PSD3: variants seen among roughly 807,000 people sequenced by gnomAD.
The protein encoded by PSD3 is PH and SEC7 domain-containing protein 3.
PSD3 carries 49 observed loss-of-function variants against 105.5 expected under a neutral mutation model. That is an observed-to-expected ratio of 0.46 (90% confidence interval 0.37 to 0.59). The LOEUF (loss-of-function observed/expected upper bound fraction) is 0.59, where lower values mean the gene tolerates loss of function less well. Among genes scored for constraint, PSD3 ranks in the 20% least tolerant of loss-of-function variants. The probability of loss-of-function intolerance (pLI) is 0.00; values close to 1 mark genes in which losing one functional copy is unlikely to be tolerated. For missense variants in PSD3, 1,561 were observed against 1,263.8 expected (o/e 1.24, Z -3.57); for synonymous variants, 557 against 457.8 (o/e 1.22, Z -2.77).
At chr8:19,057,634 C>A (rs1828753881) in intron 1 of PSD3, among the ~76,000 whole-genome samples, 1 of 152,146 alleles carries the variant, frequency 6.6e-6, no homozygotes, top group Non-Finnish European at 1.5e-5. Flanking sequence ...TAAACATTTG[C>A]TTCATCTAGC....
intron 4 of PSD3, among the ~76,000 whole-genome samples, chr8:18,834,063 T>G (rs1813897365): frequency 6.6e-6 from 1 of 152,196 alleles, no homozygotes; most frequent in African/African-American, 2.4e-5. Context: ...GAATTACAGT[T>G]AAATAAACAC....
chr8:18,809,052 G>A (rs374125536), intron 4 of PSD3, among the ~76,000 whole-genome samples: 5 of 152,068 alleles, frequency 3.3e-5, no homozygotes, highest in African/African-American at 9.7e-5. Flanking sequence ...GCCCAGCCTC[G>A]TTCACACTTG....
At chr8:18,620,332 T>C (rs1176564768) in intron 11 of PSD3, among the ~76,000 whole-genome samples, 3 of 141,284 alleles carry the variant, frequency 2.1e-5, no homozygotes, top group Admixed American at 7.2e-5. Flanking sequence ...TGAAGGGTTC[T>C]TGGGTTTGTG....
chr8:18,750,142 C>T (rs1008216186), intron 9 of PSD3, among the ~76,000 whole-genome samples: 1 of 152,118 alleles, frequency 6.6e-6, no homozygotes, highest in Non-Finnish European at 1.5e-5. Flanking sequence ...ATATTATATC[C>T]TATTTAATAG....
intron 8 of PSD3, among the ~76,000 whole-genome samples, chr8:18,780,056 C>A (rs529898204): frequency 4.9e-4 from 74 of 152,296 alleles, no homozygotes; most frequent in Non-Finnish European, 9.3e-4. Context: ...TGGACTCAGT[C>A]TCTCCCTTTA....
chr8:19,068,761 TA>T (rs60747980), intron 1 of PSD3, among the ~76,000 whole-genome samples: 66,599 of 145,836 alleles, frequency 0.46, 15,094 homozygotes, highest in East Asian at 0.79. Flanking sequence ...AAAGTTTAAT[TA>T]AAAAAAAAAA....
At chr8:18,844,790 A>C (rs1814946392) in intron 4 of PSD3, among the ~76,000 whole-genome samples, 1 of 152,256 alleles carries the variant, frequency 6.6e-6, no homozygotes, top group Non-Finnish European at 1.5e-5. Context: ...GGAAGATTTT[A>C]ACCAAGAGAA....
intron 2 of PSD3, among the ~76,000 whole-genome samples, chr8:18,893,601 G>C (rs1230545208): frequency 6.6e-6 from 1 of 152,164 alleles, no homozygotes; most frequent in African/African-American, 2.4e-5. Flanking sequence ...GGATGAATGA[G>C]GGTATCGGTG....
rs542426749 is a variant in PSD3 at position 18,940,695 on chromosome 8, G to A, written c.22-4553C>T. Among the ~76,000 whole-genome samples the A allele has an allele frequency of 2.6e-5, 4 of 152,060 alleles. No homozygotes were observed. In the South Asian group the frequency reaches 8.3e-4, roughly 31 times the overall value. Reference sequence around the variant, plus strand: ...ATTTCCAATTTATCTACTGTTTCTTGAGTAATGGCACATACTTACAGTAAA... The same window carrying A: ...ATTTCCAATTTATCTACTGTTTCTTAAGTAATGGCACATACTTACAGTAAA... On this transcript the variant is annotated intron_variant, in intron 1 of 15. Transcript: ENST00000327040.
intron 4 of PSD3, among the ~76,000 whole-genome samples, chr8:18,818,016 C>T (rs913545389): frequency 4.6e-5 from 7 of 152,140 alleles, no homozygotes; most frequent in South Asian, 2.1e-4. Context: ...TGCAGTGGCG[C>T]GATCTCGGCT....
intron 9 of PSD3, among the ~76,000 whole-genome samples, chr8:18,713,055 A>G (rs943469897): frequency 6.6e-6 from 1 of 152,162 alleles, no homozygotes; most frequent in Admixed American, 6.6e-5. Context: ...CTCGATAGAT[A>G]CCAAAAAGAC....
intron 10 of PSD3, among the ~76,000 whole-genome samples, chr8:18,635,961 T>C (rs1488524452): frequency 2.0e-5 from 3 of 152,080 alleles, no homozygotes; most frequent in Non-Finnish European, 2.9e-5. Flanking sequence ...AAAACCTAGA[T>C]AATGGTTTGA....
rs900245380 is a variant in PSD3, at chr8:18,978,689, C to T, written c.21+34874G>A. On this transcript the variant is annotated intron_variant, in intron 1 of 15. Coordinates refer to ENST00000327040, the MANE Select transcript of PSD3 (RefSeq NM_015310.4). ...CCACACCTCAACCACTGCCAGGCTC[C>T]GCAGCTCACTGATGCAGCAGACACT... is the stretch of plus-strand genomic sequence containing the variant. Among the ~76,000 whole-genome samples, 14 of 152,246 alleles carry T rather than the reference C, an allele frequency of 9.2e-5. No homozygotes were observed. The East Asian group carries it at 1.9e-3, about 21-fold the overall frequency.
At position 18,727,389 on chromosome 8, in the gene PSD3, A is replaced by G. The variant is rs533019132; in HGVS notation, c.2172+38060T>C. Among the ~76,000 whole-genome samples, 7 of 150,954 alleles carry G rather than the reference A, an allele frequency of 4.6e-5. No homozygotes were observed. In the South Asian group the frequency reaches 1.5e-3, roughly 32 times the overall value. On this transcript the variant is annotated intron_variant, in intron 9 of 15. Coordinates refer to ENST00000327040, the MANE Select transcript of PSD3 (RefSeq NM_015310.4). ...CCAGGCATGGTGGTGGACACCTGTAATCGCAGCTACTTGGGAAGCTGAGGC... is the reference window on the plus strand; with the variant it reads ...CCAGGCATGGTGGTGGACACCTGTAGTCGCAGCTACTTGGGAAGCTGAGGC...
At chr8:18,646,995 AG>A (rs1464132900) in intron 10 of PSD3, among the ~76,000 whole-genome samples, 1 of 152,230 alleles carries the variant, frequency 6.6e-6, no homozygotes, top group Non-Finnish European at 1.5e-5. Context: ...AACAGGTAAT[AG>A]TAATCCCATT....
chr8:18,822,755 T>C (rs1362177373), intron 4 of PSD3, among the ~76,000 whole-genome samples: 1 of 152,216 alleles, frequency 6.6e-6, no homozygotes, highest in Non-Finnish European at 1.5e-5. Context: ...CATTTCAGAA[T>C]GAAATTCACC....
chr8:18,598,496 T>C (rs1343883345), intron 12 of PSD3, among the ~76,000 whole-genome samples: 1 of 150,824 alleles, frequency 6.6e-6, no homozygotes, highest in Non-Finnish European at 1.5e-5. Context: ...TGGTTCAACA[T>C]ATGAAAATCA....
chr8:18,615,258 AC>A (rs1201341439), intron 11 of PSD3, among the ~76,000 whole-genome samples: 3 of 151,536 alleles, frequency 2.0e-5, no homozygotes, highest in African/African-American at 7.3e-5. Flanking sequence ...CATTCCAATT[AC>A]CCCCAACCTG....
intron 10 of PSD3, among the ~76,000 whole-genome samples, chr8:18,641,243 G>T (rs1422504662): frequency 6.6e-6 from 1 of 152,126 alleles, no homozygotes; most frequent in African/African-American, 2.4e-5. Flanking sequence ...GAAGCTAGAT[G>T]TTACCAAGTC....
Sources: gnomAD v4.1 joint callset for allele counts (sites outside exome capture counted in the v4.1 genomes callset) on GRCh38, gnomAD v4.1.1 for gene constraint, MANE v1.5 for transcripts, NCBI Gene and HGNC (gene_info 2026-07-23, HGNC 2026-07-21) for gene names.